The following TCOF1 variants were observed in gnomAD, a reference collection of about 807,000 sequenced individuals.
TCOF1 encodes the protein treacle protein.
TCOF1 carries 33 observed loss-of-function variants against 149.0 expected under a neutral mutation model. The observed-to-expected ratio is 0.22, with a 90% CI of 0.17 to 0.30. The LOEUF (loss-of-function observed/expected upper bound fraction) is 0.30, where lower values mean the gene tolerates loss of function less well. Among genes scored for constraint, TCOF1 ranks in the 10% least tolerant of loss-of-function variants. The pLI, the probability that TCOF1 is intolerant of heterozygous loss-of-function variation, is 1.00. For synonymous variants in TCOF1, 789 were observed against 738.8 expected, an observed-to-expected ratio of 1.07 and a Z score of -1.10; for missense variants, 1,728 against 1,840.7, an observed-to-expected ratio of 0.94 and a Z score of 1.12.
rs141553738 is a variant in TCOF1 at position 150,383,449 on chromosome 5, C to G, written c.2859+3717C>G. 6.6e-5 allele frequency among the ~76,000 whole-genome samples: 10 copies of G among 152,360 alleles called. No individual in the cohort carries two copies. The East Asian group carries it at 1.9e-3, about 29-fold the overall frequency. ...CCATGGTCCTGGGCAGATGCCTTTT[C>G]CCCTGTGTGAGGCTCAATGTTTCAG... On this transcript the variant is annotated intron_variant, in intron 17 of 26. Coordinates refer to ENST00000643257, the MANE Select transcript of TCOF1 (RefSeq NM_001371623.1).
rs1767056993 is a variant in TCOF1 at position 150,389,890 on chromosome 5, T to C, written c.3050T>C (p.Ile1017Thr). Residue 1017 changes from isoleucine (I) to threonine (T), a missense_variant, in exon 19 of 27, where the codon ATC (isoleucine) becomes ACC (threonine). Ile to Thr is a moderately conservative substitution (Grantham distance 89). Transcript: ENST00000643257. ...CCCCCATCTCGCTCCATTTCAGGCA[T>C]CAGAACCAATGTGGTGACCATGCCC... Reference protein sequence around the residue: ...IPATQCLTPGIRTNVVTMPTA... With the variant: ...IPATQCLTPGTRTNVVTMPTA... 6.2e-7 allele frequency: 1 copy of C among 1,614,032 alleles called. No homozygotes were observed. Among genetic ancestry groups the C allele is most frequent in the South Asian group, 1.1e-5 (1 of 91,082 alleles).
intron 2 of TCOF1, among the ~76,000 whole-genome samples, chr5:150,362,202 A>G (rs1024866498): frequency 6.6e-6 from 1 of 152,222 alleles, no homozygotes; most frequent in Non-Finnish European, 1.5e-5. Context: ...TTTCAATGAC[A>G]TGTTGAGTGT....
At chr5:150,361,462 G>C (rs549048995) in intron 2 of TCOF1, among the ~76,000 whole-genome samples, 1 of 152,208 alleles carries the variant, frequency 6.6e-6, no homozygotes, top group Admixed American at 6.5e-5. Flanking sequence ...CAGTTGCTCA[G>C]CAAACGTATA....
chr5:150,389,103 G>GTACATA, intron 18 of TCOF1, among the ~76,000 whole-genome samples: 1 of 152,202 alleles, frequency 6.6e-6, no homozygotes, highest in African/African-American at 2.4e-5. Flanking sequence ...ACATACATAT[G>GTACATA]TACATATACA....
Position 150,396,497 on chromosome 5 carries a change from A to C in TCOF1, c.4000A>C (p.Thr1334Pro), listed in dbSNP as rs767948864. Residue 1334 changes from threonine to proline, a missense_variant, in exon 24 of 27, where the codon ACC (threonine) becomes CCC (proline). This residue lies in a region of TCOF1 where 1,696 missense variants were observed against 1,765.4 expected (regional missense o/e 0.96). Coordinates refer to ENST00000643257, the MANE Select transcript of TCOF1 (RefSeq NM_001371623.1). Reference protein sequence around the residue: ...LEQERKKVVDTTKESSRKGWE... With the variant: ...LEQERKKVVDPTKESSRKGWE... ...ACAGGAAAGAAAGAAGGTGGTGGAC[A>C]CCACCAAGGAGAGCAGCAGGAAGGG... The C allele has an allele frequency of 1.2e-6, 2 of 1,613,352 alleles. No individual in the cohort carries two copies. Among genetic ancestry groups the C allele is most frequent in the East Asian group, 4.5e-5 (2 of 44,820 alleles).
chr5:150,378,055 A>G, intron 14 of TCOF1, among the ~76,000 whole-genome samples: 1 of 152,172 alleles, frequency 6.6e-6, no homozygotes, highest in Non-Finnish European at 1.5e-5. Context: ...TACGTGCTCT[A>G]CTGATGAGCA....
At chr5:150,376,964 A>C (rs1378831817) in intron 14 of TCOF1, among the ~76,000 whole-genome samples, 2 of 152,162 alleles carry the variant, frequency 1.3e-5, no homozygotes, top group African/African-American at 2.4e-5. Context: ...ATGCTCCTGC[A>C]GTGTGGAGCG....
Position 150,396,343 on chromosome 5 carries a change from T to A in TCOF1, c.3846T>A (p.Ala1282=), listed in dbSNP as rs199741733. Reference sequence around the variant, plus strand: ...AGTCCCGGAAGCCCAAGAAAGGGGCTGGGAACCCCCAAGCCTCAACCCTGG... The same window carrying A: ...AGTCCCGGAAGCCCAAGAAAGGGGCAGGGAACCCCCAAGCCTCAACCCTGG... The part of the protein sequence containing the change: ...PQKSRKPKKG[A]GNPQASTLAL... Residue 1282 remains alanine, a synonymous_variant, in exon 24 of 27, where the codon GCT becomes GCA. Transcript: ENST00000643257. The A allele has an allele frequency of 9.3e-6, 15 of 1,613,906 alleles. No homozygotes were observed. Among genetic ancestry groups the A allele is most frequent in the African/African-American group, 1.3e-5 (1 of 75,064 alleles).
At chr5:150,378,806 G>T in intron 14 of TCOF1, 99 bp from the exon 15 acceptor site, 1 of 1,580,630 alleles carries the variant, frequency 6.3e-7, no homozygotes, top group Non-Finnish European at 8.7e-7. Flanking sequence ...GGAGGAGCCA[G>T]AATCCAGACT....
chr5:150,376,414 T>G lies in TCOF1; in HGVS notation c.2143-9T>G, dbSNP rs1480107995. 1.2e-6 allele frequency: 2 copies of G among 1,614,066 alleles called. No homozygotes were observed. The highest frequency in any genetic ancestry group is 2.7e-5 in the African/African-American group (2 of 74,936). ...CCTGGAGACACCTCTCTTCCCCTTG[T>G]CATCCCAGGCAAAGTCTGTGGGGAA... On this transcript the variant is annotated splice_polypyrimidine_tract_variant and intron_variant, in intron 13 of 26. Transcript: ENST00000643257.
At position 150,376,156 on chromosome 5, in the gene TCOF1, C is replaced by T. The variant is rs377242921; in HGVS notation, c.1968C>T (p.Val656=). ...KKTNTTASAK[V]APVRVGTQAP... ...CCAATACCACTGCATCTGCCAAGGT[C>T]GCCCCTGTGCGAGTGGGCACCCAAG... The change falls in exon 13 of 27, where the codon GTC becomes GTT. Residue 656 remains valine (V), a synonymous_variant. Transcript: ENST00000643257. 27 of 1,614,110 alleles carry T rather than the reference C, an allele frequency of 1.7e-5. No homozygotes were observed. In the Admixed American group the frequency reaches 3.0e-4, roughly 18 times the overall value.
intron 15 of TCOF1, 64 bp downstream of exon 15, chr5:150,379,106 G>A: frequency 6.2e-7 from 1 of 1,613,826 alleles, no homozygotes; most frequent in Non-Finnish European, 8.5e-7. Flanking sequence ...ACCAGTCACT[G>A]AGCCCAGCCA....
rs1414216710 is a variant in TCOF1, at chr5:150,367,885, G to A, written c.346G>A (p.Asp116Asn). 6.2e-7 allele frequency: 1 copy of A among 1,614,172 alleles called. No homozygotes were observed. The highest frequency in any genetic ancestry group is 1.6e-4 in the Middle Eastern group (1 of 6,062). The change falls in exon 4 of 27, where the codon GAC becomes AAC. Residue 116 changes from aspartate (D) to asparagine (N), a missense_variant. By Grantham distance (23) the Asp-to-Asn change is conservative. Around this residue, in one of 2 missense-constraint regions of TCOF1, gnomAD observed 1,696 missense variants for 1,765.4 expected, o/e 0.96. Coordinates refer to ENST00000643257, the MANE Select transcript of TCOF1 (RefSeq NM_001371623.1). Reference sequence around the variant, plus strand: ...TACCAACTCCTCAGTCCTGGGGGCGGACTTGCCATCAAGCATGAAAGAAAA... The same window carrying A: ...TACCAACTCCTCAGTCCTGGGGGCGAACTTGCCATCAAGCATGAAAGAAAA... ...ASTNSSVLGA[D>N]LPSSMKEKAK... is the part of the protein sequence containing the mutation.
chr5:150,377,485 C>T (rs1221441321), intron 14 of TCOF1, among the ~76,000 whole-genome samples: 1 of 152,254 alleles, frequency 6.6e-6, no homozygotes, highest in Admixed American at 6.5e-5. Flanking sequence ...TCACTCCCTG[C>T]ACTCACCCAC....
At chr5:150,392,684 C>G (rs750355501) in intron 21 of TCOF1, 21 bp from the exon 22 acceptor site, 6 of 1,613,520 alleles carry the variant, frequency 3.7e-6, no homozygotes, top group Middle Eastern at 1.7e-4. Flanking sequence ...GGGCTACCAA[C>G]AGGATACTGT....
At chr5:150,378,030 C>T (rs1764213706) in intron 14 of TCOF1, among the ~76,000 whole-genome samples, 1 of 152,174 alleles carries the variant, frequency 6.6e-6, no homozygotes, top group African/African-American at 2.4e-5. Flanking sequence ...AAACATGGCT[C>T]CCCTCTGGAG....
In TCOF1 at chr5:150,396,657, C is replaced by G; in HGVS notation, c.4160C>G (p.Ser1387Cys). 6.2e-7 allele frequency: 1 copy of G among 1,610,100 alleles called. No homozygotes were observed. The highest frequency in any genetic ancestry group is 8.5e-7 in the Non-Finnish European group (1 of 1,178,224). ...SVSPEKTSTT[S>C]KGKAKRDKAS... ...TCCCCAGAAAAGACCTCCACGACTT[C>G]CAAGGGGAAAGCAAAGAGAGACAAA... The change falls in exon 24 of 27, where the codon TCC becomes TGC. Residue 1387 changes from serine to cysteine, a missense_variant. By Grantham distance (112) the Ser-to-Cys change is moderately radical (BLOSUM62 -1). Coordinates refer to ENST00000643257, the MANE Select transcript of TCOF1 (RefSeq NM_001371623.1).
chr5:150,387,836 C>T, intron 17 of TCOF1, 66 bp from the exon 18 acceptor site: 3 of 1,608,106 alleles, frequency 1.9e-6, no homozygotes, highest in Non-Finnish European at 2.6e-6. Context: ...CTCCCTAACC[C>T]CATCACCTCC....
chr5:150,389,900 T>C lies in TCOF1; in HGVS notation c.3060T>C (p.Asn1020=). ...GCTCCATTTCAGGCATCAGAACCAA[T>C]GTGGTGACCATGCCCACTGCCCACC... ...TQCLTPGIRT[N]VVTMPTAHPR... is the part of the protein sequence containing the mutation. Residue 1020 remains asparagine (N), a synonymous_variant, in exon 19 of 27, where the codon AAT becomes AAC. Transcript: ENST00000643257. The C allele has an allele frequency of 6.2e-7, 1 of 1,614,194 alleles. No individual in the cohort carries two copies. The highest frequency in any genetic ancestry group is 8.5e-7 in the Non-Finnish European group (1 of 1,180,028).
Sources: gnomAD v4.1 joint callset for allele counts (sites outside exome capture counted in the v4.1 genomes callset) on GRCh38, gnomAD v4.1.1 for gene constraint, gnomAD v4.1.1 regional missense constraint, MANE v1.5 for transcripts, NCBI Gene and HGNC (gene_info 2026-07-23, HGNC 2026-07-21) for gene names.